Variants in GRHPR observed in about 807,000 individuals in gnomAD.
GRHPR encodes the protein glyoxylate and hydroxypyruvate reductase.
GRHPR carries 35 observed loss-of-function variants against 36.8 expected under a neutral mutation model. The observed-to-expected ratio is 0.95, with a 90% CI of 0.73 to 1.26. The LOEUF (loss-of-function observed/expected upper bound fraction) is 1.26. GRHPR is among the 50% of genes most tolerant of loss of function. The pLI is 0.00. For missense variants in GRHPR, 380 were observed against 435.0 expected, an observed-to-expected ratio of 0.87 and a Z score of 1.12; for synonymous variants, 179 against 181.0, an observed-to-expected ratio of 0.99 and a Z score of 0.09.
upstream of GRHPR, chr9:37,422,568 T>C: frequency 1.6e-6 from 1 of 643,668 alleles, no homozygotes; most frequent in Non-Finnish European, 2.8e-6. Context: ...TTACTGTCAC[T>C]CCCCGAGCAC....
In GRHPR at chr9:37,430,659, C is replaced by T. The variant is rs935226286; in HGVS notation, c.734+13C>T. 1 of 1,612,256 alleles carries T rather than the reference C, an allele frequency of 6.2e-7. No individual in the cohort carries two copies. Among genetic ancestry groups the T allele is most frequent in the Non-Finnish European group, 8.5e-7 (1 of 1,178,390 alleles). On this transcript the variant is annotated intron_variant, in intron 7 of 8. Coordinates refer to ENST00000318158, the MANE Select transcript of GRHPR (RefSeq NM_012203.2). Reference sequence around the variant, plus strand: ...TCAACATCAGCAGGTATCCTAGGGCCACCTTACCCAGCAAGCCTGGAGAGG... The same window carrying T: ...TCAACATCAGCAGGTATCCTAGGGCTACCTTACCCAGCAAGCCTGGAGAGG...
At chr9:37,422,523 C>CA, upstream of GRHPR, 5 of 552,886 alleles carry the variant, frequency 9.0e-6, no homozygotes, top group South Asian at 2.1e-5. Flanking sequence ...GCGCACCCCC[C>CA]CACACACACA....
chr9:37,431,082 A>G (rs997997595), intron 7 of GRHPR: 3 of 469,952 alleles, frequency 6.4e-6, no homozygotes, highest in African/African-American at 2.0e-5. Context: ...GACAGACCCT[A>G]AAACTCACGT....
chr9:37,422,701 C>G lies in GRHPR; in HGVS notation c.-50C>G. ...GGCCCCGCCCCGGCCCAGCTACATT[C>G]CCGGGCCAGCTTCTGTACTGCCAGG... On this transcript the variant is annotated 5_prime_UTR_variant, in exon 1 of 9. Coordinates refer to ENST00000318158, the MANE Select transcript of GRHPR (RefSeq NM_012203.2). The G allele has an allele frequency of 7.1e-7, 1 of 1,408,844 alleles. No individual in the cohort carries two copies. The highest frequency in any genetic ancestry group is 9.8e-7 in the Non-Finnish European group (1 of 1,017,600). The allele number at this position is 1,408,844 out of a possible 1,614,324, so 87.3% of individuals were successfully genotyped here.
intron 5 of GRHPR, 191 bp from the exon 6 acceptor site, chr9:37,429,541 G>A: frequency 1.5e-6 from 1 of 672,064 alleles, no homozygotes; most frequent in Non-Finnish European, 2.7e-6. Context: ...CCCTGGGGCA[G>A]TGTGGGCTGG....
At chr9:37,427,188 G>A (rs991183354) in intron 4 of GRHPR, among the ~76,000 whole-genome samples, 1 of 152,182 alleles carries the variant, frequency 6.6e-6, no homozygotes, top group Non-Finnish European at 1.5e-5. Flanking sequence ...GTGAGGGCTG[G>A]CAGGGAGAGT....
chr9:37,422,703 C>A lies in GRHPR; in HGVS notation c.-48C>A, dbSNP rs149749351. ...CCCCGCCCCGGCCCAGCTACATTCC[C>A]GGGCCAGCTTCTGTACTGCCAGGTC... is the stretch of plus-strand genomic sequence containing the variant. On this transcript the variant is annotated 5_prime_UTR_variant, in exon 1 of 9. Coordinates refer to ENST00000318158, the MANE Select transcript of GRHPR (RefSeq NM_012203.2). 3.9e-5 allele frequency: 55 copies of A among 1,419,464 alleles called. 1 individual carries two copies. Among genetic ancestry groups the A allele is most frequent in the African/African-American group, 5.7e-5 (4 of 70,594 alleles). The allele number at this position is 1,419,464 out of a possible 1,614,324, so 87.9% of individuals were successfully genotyped here.
chr9:37,423,824 C>T lies in GRHPR; in HGVS notation c.83+991C>T, dbSNP rs190371869. Among the ~76,000 whole-genome samples, 430 of 152,296 alleles carry T rather than the reference C, an allele frequency of 2.8e-3. 1 individual carries two copies. The highest frequency in any genetic ancestry group is 9.5e-3 in the African/African-American group (393 of 41,556). On this transcript the variant is annotated intron_variant, in intron 1 of 8. Transcript: ENST00000318158. ...TGTGGGCCAACCTTGCCAGGTGCTT[C>T]ATATACATAAACTTTTAATCCTGGT...
chr9:37,434,896 C>T (rs1056684121), intron 8 of GRHPR: 1 of 152,304 alleles, frequency 6.6e-6, no homozygotes, highest in Non-Finnish European at 1.5e-5. Context: ...CAACCAAAAA[C>T]CATTATCCAG....
In GRHPR at chr9:37,426,546, G is replaced by A. The variant is rs146603229; in HGVS notation, c.296G>A (p.Arg99Gln). The A allele has an allele frequency of 1.4e-4, 231 of 1,606,280 alleles. No individual in the cohort carries two copies. Among genetic ancestry groups the A allele is most frequent in the Non-Finnish European group, 1.9e-4 (218 of 1,172,956 alleles). The stretch of plus-strand genomic sequence containing the variant: ...AGATGTCTGATTCGTAGTGGGATCC[G>A]AGTTGGCTACACCCCAGATGTCCTG... ...ALDEIKKRGI[R>Q]VGYTPDVLTD... Residue 99 changes from arginine (R) to glutamine (Q), a missense_variant, in exon 4 of 9, where the codon CGA becomes CAA. Arg to Gln is a conservative substitution (Grantham distance 43). Coordinates refer to ENST00000318158, the MANE Select transcript of GRHPR (RefSeq NM_012203.2).
At position 37,430,638 on chromosome 9, in the gene GRHPR, C is replaced by T. The variant is rs949282908; in HGVS notation, c.726C>T (p.Asn242=). 6.2e-7 allele frequency: 1 copy of T among 1,613,688 alleles called. No individual in the cohort carries two copies. The highest frequency in any genetic ancestry group is 8.5e-7 in the Non-Finnish European group (1 of 1,179,684). The part of the protein sequence containing the change: ...QKMKETAVFI[N]ISRGDVVNQD... ...TGAAGGAAACAGCTGTGTTCATCAA[C>T]ATCAGCAGGTATCCTAGGGCCACCT... Residue 242 remains asparagine (N), a synonymous_variant, in exon 7 of 9, where the codon AAC becomes AAT. Transcript: ENST00000318158.
At position 37,430,641 on chromosome 9, in the gene GRHPR, C is replaced by T; in HGVS notation, c.729C>T (p.Ile243=). 1 of 1,613,626 alleles carries T rather than the reference C, an allele frequency of 6.2e-7. No individual in the cohort carries two copies. The highest frequency in any genetic ancestry group is 1.1e-5 in the South Asian group (1 of 91,062). ...KMKETAVFIN[I]SRGDVVNQDD... is the part of the protein sequence containing the mutation. ...AGGAAACAGCTGTGTTCATCAACAT[C>T]AGCAGGTATCCTAGGGCCACCTTAC... Residue 243 remains isoleucine (I), a synonymous_variant, in exon 7 of 9, where the codon ATC becomes ATT. Coordinates refer to ENST00000318158, the MANE Select transcript of GRHPR (RefSeq NM_012203.2).
chr9:37,428,867 C>T (rs780811992), intron 5 of GRHPR: 10 of 512,914 alleles, frequency 1.9e-5, no homozygotes, highest in Middle Eastern at 2.9e-4. Flanking sequence ...GTGTTGGGGC[C>T]GTTAGGAGTG....
At chr9:37,436,395 C>T (rs778529549) in intron 8 of GRHPR, among the ~76,000 whole-genome samples, 5 of 152,232 alleles carry the variant, frequency 3.3e-5, no homozygotes, top group Non-Finnish European at 7.3e-5. Flanking sequence ...CAGGCATGAG[C>T]CACTGCGCCC....
At chr9:37,436,125 T>C (rs1671472607) in intron 8 of GRHPR, among the ~76,000 whole-genome samples, 1 of 152,196 alleles carries the variant, frequency 6.6e-6, no homozygotes, top group Admixed American at 6.5e-5. Flanking sequence ...ATTTTTTTGT[T>C]TGAGACAGAG....
intron 3 of GRHPR, chr9:37,426,264 G>T (rs563902439): frequency 1.5e-4 from 90 of 602,686 alleles, no homozygotes; most frequent in Non-Finnish European, 2.1e-4. Context: ...GCAAAGGCAG[G>T]TGTTATTCTT....
At chr9:37,433,880 A>G (rs1808306861) in intron 8 of GRHPR, 2 of 395,834 alleles carry the variant, frequency 5.1e-6, no homozygotes. Flanking sequence ...TGGAATGGAA[A>G]CCTAAACAAA....
chr9:37,432,302 T>C (rs542696675), intron 8 of GRHPR, 164 bp downstream of exon 8: 8 of 682,302 alleles, frequency 1.2e-5, no homozygotes, highest in Non-Finnish European at 2.1e-5. Flanking sequence ...CATGGGTGTA[T>C]GACAGGAGCA....
chr9:37,434,443 G>T, intron 8 of GRHPR: 1 of 593,238 alleles, frequency 1.7e-6, no homozygotes. Flanking sequence ...ACCAATTGGG[G>T]CCATGCAGGA....
Sources: allele counts gnomAD v4.1 joint callset (sites outside exome capture counted in the v4.1 genomes callset), GRCh38; gene constraint gnomAD v4.1.1; transcripts MANE v1.5; gene names NCBI Gene and HGNC (gene_info 2026-07-23, HGNC 2026-07-21).